Variants in HOOK3 observed in about 807,000 individuals in gnomAD.
HOOK3 encodes protein Hook homolog 3.
Under a neutral mutation model 116.3 loss-of-function variants are expected in HOOK3, and 24 were observed. The observed-to-expected ratio is 0.21, with a 90% CI of 0.15 to 0.29. The LOEUF is 0.29. HOOK3 is among the 10% of genes least tolerant of loss of function. The pLI is 1.00. For synonymous variants in HOOK3, 275 were observed against 283.0 expected, an observed-to-expected ratio of 0.97 and a Z score of 0.28; for missense variants, 632 against 830.2, an observed-to-expected ratio of 0.76 and a Z score of 2.93.
At chr8:42,949,032 A>G (rs1808289228) in intron 5 of HOOK3, among the ~76,000 whole-genome samples, 1 of 152,198 alleles carries the variant, frequency 6.6e-6, no homozygotes, top group African/African-American at 2.4e-5. Flanking sequence ...TACCTCATTT[A>G]TTTTAAATCC....
intron 9 of HOOK3, 22 bp downstream of exon 9, chr8:42,964,496 T>G (rs1808595215): frequency 6.2e-7 from 1 of 1,604,008 alleles, no homozygotes; most frequent in Non-Finnish European, 8.5e-7. Flanking sequence ...CTCATTAAAA[T>G]CTGATTTTTA....
intron 2 of HOOK3, among the ~76,000 whole-genome samples, chr8:42,910,905 A>G (rs1330572455): frequency 6.6e-6 from 1 of 152,200 alleles, no homozygotes; most frequent in East Asian, 1.9e-4. Flanking sequence ...TACACAAGGT[A>G]TATTTTTAAC....
chr8:42,968,827 G>A (rs76360724), intron 11 of HOOK3, among the ~76,000 whole-genome samples: 2,236 of 152,062 alleles, frequency 0.015, 31 homozygotes, highest in Non-Finnish European at 0.022. Context: ...CCCCCTCCTC[G>A]TTACAGGCAG....
intron 1 of HOOK3, among the ~76,000 whole-genome samples, chr8:42,897,619 A>C (rs1807045226): frequency 6.6e-6 from 1 of 152,004 alleles, no homozygotes; most frequent in South Asian, 2.1e-4. Context: ...GCGCCCGGGG[A>C]CCCCGTTTCG....
chr8:42,996,775 T>G (rs1184492249), intron 15 of HOOK3, among the ~76,000 whole-genome samples: 1 of 152,218 alleles, frequency 6.6e-6, no homozygotes, highest in East Asian at 1.9e-4. Context: ...GAGTTATTGC[T>G]TCTTTGACCA....
chr8:42,982,742 G>A (rs1315006298), intron 14 of HOOK3, 46 bp downstream of exon 14: 2 of 1,218,450 alleles, frequency 1.6e-6, no homozygotes, highest in Non-Finnish European at 2.4e-6. Context: ...AGTATTCTTG[G>A]AGAAAACGTA....
chr8:42,906,124 C>T, intron 1 of HOOK3, 49 bp from the exon 2 acceptor site: 1 of 982,812 alleles, frequency 1.0e-6, no homozygotes, highest in Non-Finnish European at 1.5e-6. Context: ...AAATTTTCTA[C>T]AGAGGTAACC....
In HOOK3 at chr8:43,024,322, C is replaced by A. The variant is rs1313250611; in HGVS notation, c.*5824C>A. ...AGCATTGTACTTCTCAACAGTGAAG[C>A]CTGTGTAATACCATACAGTAGGATG... On this transcript the variant is annotated 3_prime_UTR_variant, in exon 22 of 22. Coordinates refer to ENST00000307602, the MANE Select transcript of HOOK3 (RefSeq NM_032410.4). 1.0e-5 allele frequency: 2 copies of A among 197,034 alleles called. No individual in the cohort carries two copies. Among genetic ancestry groups the A allele is most frequent in the Non-Finnish European group, 2.1e-5 (2 of 95,106 alleles). 12.2% of individuals were successfully genotyped at this position (197,034 alleles called of 1,614,324 possible). A position where few individuals can be genotyped will look rare whatever the true frequency, so the allele number is the denominator to read the frequency against.
At chr8:42,976,022 G>A (rs1382970006) in intron 13 of HOOK3, among the ~76,000 whole-genome samples, 4 of 149,208 alleles carry the variant, frequency 2.7e-5, no homozygotes, top group African/African-American at 1.0e-4. Context: ...AGATGTAGAT[G>A]TGTGTGTGTA....
At chr8:42,913,164 G>A (rs1248121252) in intron 2 of HOOK3, among the ~76,000 whole-genome samples, 1 of 151,706 alleles carries the variant, frequency 6.6e-6, no homozygotes, top group Non-Finnish European at 1.5e-5. Context: ...ATTTTAAAAA[G>A]GATACAATTT....
chr8:43,020,315 A>G lies in HOOK3; in HGVS notation c.*1817A>G, dbSNP rs1809799790. On this transcript the variant is annotated 3_prime_UTR_variant, in exon 22 of 22. Transcript: ENST00000307602. ...GCTGTAGGGCTTCAGGAGGCTACGC[A>G]GACCTGATCAACTGCAAAGTTTCCA... 1 of 199,510 alleles carries G rather than the reference A, an allele frequency of 5.0e-6. No homozygotes were observed. The highest frequency in any genetic ancestry group is 2.3e-5 in the African/African-American group (1 of 43,462). The allele number at this position is 199,510 out of a possible 1,614,324, so 12.4% of individuals were successfully genotyped here.
chr8:42,977,336 C>A (rs1808848704), intron 13 of HOOK3, among the ~76,000 whole-genome samples: 1 of 152,044 alleles, frequency 6.6e-6, no homozygotes, highest in African/African-American at 2.4e-5. Flanking sequence ...CTGGGGACTC[C>A]CTGTCTTGCA....
chr8:42,919,482 C>G (rs1420476472), intron 2 of HOOK3, among the ~76,000 whole-genome samples: 1 of 151,576 alleles, frequency 6.6e-6, no homozygotes, highest in Non-Finnish European at 1.5e-5. Context: ...CAGAGGGGCT[C>G]CTCACATCCC....
chr8:42,942,814 G>A (rs1723308), intron 4 of HOOK3, among the ~76,000 whole-genome samples: 2,350 of 152,264 alleles, frequency 0.015, 66 homozygotes, highest in African/African-American at 0.053. Context: ...CCATTTGTCT[G>A]CATATGAATC....
At chr8:42,983,608 T>C (rs1360389212) in intron 14 of HOOK3, among the ~76,000 whole-genome samples, 1 of 152,090 alleles carries the variant, frequency 6.6e-6, no homozygotes, top group Admixed American at 6.6e-5. Context: ...CTCAGCCTGC[T>C]TAGTAGTTGG....
intron 1 of HOOK3, among the ~76,000 whole-genome samples, chr8:42,902,844 G>A (rs747544771): frequency 6.6e-6 from 1 of 152,140 alleles, no homozygotes; most frequent in Non-Finnish European, 1.5e-5. Context: ...GGGCTTGTTC[G>A]TATCAGGCAT....
intron 5 of HOOK3, among the ~76,000 whole-genome samples, chr8:42,947,474 A>AT (rs1808251496): frequency 6.6e-6 from 1 of 152,204 alleles, no homozygotes; most frequent in South Asian, 2.1e-4. Context: ...GTGGGAAAGA[A>AT]GATAGTCAAT....
At position 42,946,800 on chromosome 8, in the gene HOOK3, A is replaced by G. The variant is rs1433507786; in HGVS notation, c.400+3355A>G. On this transcript the variant is annotated intron_variant, in intron 5 of 21. Coordinates refer to ENST00000307602, the MANE Select transcript of HOOK3 (RefSeq NM_032410.4). Reference sequence around the variant, plus strand: ...TTTTTTTTTTCTGGGACAGATTCTCACTCTGTCACCCAGGCTGGAGTCCAG... The same window carrying G: ...TTTTTTTTTTCTGGGACAGATTCTCGCTCTGTCACCCAGGCTGGAGTCCAG... Among the ~76,000 whole-genome samples, 3 of 111,086 alleles carry G rather than the reference A, an allele frequency of 2.7e-5. No homozygotes were observed. The South Asian group carries it at 8.0e-4, about 30-fold the overall frequency. 72.9% of individuals were successfully genotyped at this position (111,086 alleles called of 152,430 possible).
At chr8:43,012,984 C>G (rs970339550) in intron 19 of HOOK3, 67 bp from the exon 20 acceptor site, 1 of 929,182 alleles carries the variant, frequency 1.1e-6, no homozygotes, top group Non-Finnish European at 1.6e-6. Flanking sequence ...AATAGTCATT[C>G]TTTTCTTAAA....
Sources: allele counts gnomAD v4.1 joint callset (sites outside exome capture counted in the v4.1 genomes callset), GRCh38; gene constraint gnomAD v4.1.1; transcripts MANE v1.5; gene names NCBI Gene and HGNC (gene_info 2026-07-23, HGNC 2026-07-21).